PARL: variants seen among roughly 807,000 people sequenced by gnomAD.
PARL encodes presenilin-associated rhomboid-like protein, mitochondrial.
In PARL, 44 loss-of-function variants were observed where a neutral mutation model predicts 51.6. That is an observed-to-expected ratio of 0.85 (90% CI 0.67 to 1.10). PARL has a LOEUF of 1.10. Ranked by LOEUF, PARL falls within the 50% of genes least tolerant of loss-of-function variation. The pLI, the probability that PARL is intolerant of heterozygous loss-of-function variation, is 0.00. For synonymous variants in PARL, 172 were observed against 164.0 expected (o/e 1.05, Z -0.37); for missense variants, 441 against 469.5 (o/e 0.94, Z 0.56).
At chr3:183,864,573 G>A (rs369734000) in intron 3 of PARL, among the ~76,000 whole-genome samples, 1 of 151,996 alleles carries the variant, frequency 6.6e-6, no homozygotes, top group South Asian at 2.1e-4. Flanking sequence ...TCAGGAGATC[G>A]AGACCATCCT....
At chr3:183,869,530 A>AAG (rs1732929239) in intron 1 of PARL, among the ~76,000 whole-genome samples, 1 of 152,098 alleles carries the variant, frequency 6.6e-6, no homozygotes, top group Non-Finnish European at 1.5e-5. Context: ...TATAAGGGAT[A>AAG]ATAATGTATA....
At chr3:183,829,732 C>T (rs200033234) in intron 9 of PARL, 23 bp from the exon 10 acceptor site, 39 of 1,584,964 alleles carry the variant, frequency 2.5e-5, no homozygotes, top group Non-Finnish European at 3.1e-5. Flanking sequence ...AAACCAGGTC[C>T]GACATTCAAA....
At chr3:183,840,984 G>A (rs1475733290) in intron 6 of PARL, among the ~76,000 whole-genome samples, 5 of 152,132 alleles carry the variant, frequency 3.3e-5, no homozygotes, top group East Asian at 1.9e-4. Context: ...TCATTTCAGC[G>A]ACTTTACAGG....
chr3:183,878,632 T>C (rs1734110466), intron 1 of PARL, among the ~76,000 whole-genome samples: 1 of 152,214 alleles, frequency 6.6e-6, no homozygotes, highest in Non-Finnish European at 1.5e-5. Flanking sequence ...GATTCTCATG[T>C]GCCGCCAGAG....
At chr3:183,835,538 A>C (rs1728473700) in intron 7 of PARL, among the ~76,000 whole-genome samples, 1 of 152,122 alleles carries the variant, frequency 6.6e-6, no homozygotes, top group African/African-American at 2.4e-5. Context: ...ACCCAAGAAG[A>C]CCTGAATTTT....
chr3:183,842,483 AAC>A lies in PARL; in HGVS notation c.608-38_608-37del, dbSNP rs767319546. 6 of 1,596,416 alleles carry A rather than the reference AAC, an allele frequency of 3.8e-6. No homozygotes were observed. In the South Asian group the frequency reaches 6.6e-5, roughly 18 times the overall value. Reference sequence around the variant, plus strand: ...GAGAAACATAGTCTGGTAATCATGAAACACACAGCCAATAAAAATTATCCATT... The same window carrying A: ...GAGAAACATAGTCTGGTAATCATGAAACACAGCCAATAAAAATTATCCATT... On this transcript the variant is annotated intron_variant, in intron 5 of 9. Transcript: ENST00000317096.
intron 5 of PARL, 49 bp downstream of exon 5, chr3:183,844,182 C>G: frequency 8.0e-7 from 1 of 1,247,354 alleles, no homozygotes; most frequent in South Asian, 1.2e-5. Flanking sequence ...AAGCATATTT[C>G]TTTCATATTA....
intron 9 of PARL, among the ~76,000 whole-genome samples, chr3:183,829,963 A>C (rs1251231537): frequency 6.6e-6 from 1 of 151,758 alleles, no homozygotes; most frequent in African/African-American, 2.4e-5. Flanking sequence ...ATTCACCACT[A>C]TCTGCAAGTT....
intron 7 of PARL, among the ~76,000 whole-genome samples, 175 bp from the exon 8 acceptor site, chr3:183,834,000 A>C (rs1257377225): frequency 6.6e-6 from 1 of 152,230 alleles, no homozygotes; most frequent in Non-Finnish European, 1.5e-5. Context: ...GAAGGAACTA[A>C]ATGTCCTTCA....
At chr3:183,844,393 C>T in intron 4 of PARL, 67 bp from the exon 5 acceptor site, 3 of 979,132 alleles carry the variant, frequency 3.1e-6, no homozygotes, top group South Asian at 1.3e-5. Flanking sequence ...ATCTACATTA[C>T]CCCCTTGTAA....
downstream of PARL, among the ~76,000 whole-genome samples, chr3:183,827,762 C>T (rs1175407689): frequency 6.6e-6 from 1 of 152,086 alleles, no homozygotes; most frequent in Non-Finnish European, 1.5e-5. Flanking sequence ...GGGGGTGGTC[C>T]CAGAGCCTGG....
chr3:183,865,092 A>C (rs1476404297), intron 3 of PARL, among the ~76,000 whole-genome samples: 1 of 151,646 alleles, frequency 6.6e-6, no homozygotes, highest in Non-Finnish European at 1.5e-5. Flanking sequence ...AGATCACTTG[A>C]GGTCAGGAGT....
At chr3:183,880,730 T>C (rs535753756) in intron 1 of PARL, among the ~76,000 whole-genome samples, 1 of 152,230 alleles carries the variant, frequency 6.6e-6, no homozygotes, top group Admixed American at 6.5e-5. Context: ...AATACAATCC[T>C]ATAACTTTTA....
intron 1 of PARL, among the ~76,000 whole-genome samples, chr3:183,876,125 C>T (rs1425954642): frequency 6.6e-6 from 1 of 152,206 alleles, no homozygotes; most frequent in Non-Finnish European, 1.5e-5. Context: ...CAGCTCACTA[C>T]AACCTCCGCC....
intron 9 of PARL, among the ~76,000 whole-genome samples, chr3:183,831,744 G>GA (rs916844648): frequency 5.4e-5 from 8 of 148,160 alleles, no homozygotes; most frequent in South Asian, 2.1e-4. Flanking sequence ...GCACTTCAAC[G>GA]AAAAAAAAAT....
rs1018438781 is a variant in PARL at position 183,860,235 on chromosome 3, C to T, written c.511+2518G>A. 5.9e-5 allele frequency among the ~76,000 whole-genome samples: 9 copies of T among 152,088 alleles called. No homozygotes were observed. In the East Asian group the frequency reaches 1.5e-3, roughly 26 times the overall value. On this transcript the variant is annotated intron_variant, in intron 4 of 9. Transcript: ENST00000317096. Reference sequence around the variant, plus strand: ...GCAAGGAAAGCTGGACTAATTGGCACCCCAGGAAGAAGACAAGACATACTA... The same window carrying T: ...GCAAGGAAAGCTGGACTAATTGGCATCCCAGGAAGAAGACAAGACATACTA...
chr3:183,865,901 A>G (rs1157076806), intron 3 of PARL, among the ~76,000 whole-genome samples: 1 of 147,770 alleles, frequency 6.8e-6, no homozygotes, highest in Admixed American at 6.8e-5. Flanking sequence ...TTTTTTTGAG[A>G]TGAGTTCTCG....
chr3:183,833,142 G>C (rs1728147556), intron 9 of PARL, among the ~76,000 whole-genome samples: 1 of 152,194 alleles, frequency 6.6e-6, no homozygotes, highest in Non-Finnish European at 1.5e-5. Flanking sequence ...GCCAGGCAGG[G>C]GAGAGGAGGG....
At chr3:183,874,795 G>T (rs970922871) in intron 1 of PARL, among the ~76,000 whole-genome samples, 6 of 152,232 alleles carry the variant, frequency 3.9e-5, no homozygotes, top group Non-Finnish European at 8.8e-5. Flanking sequence ...ATTCTTGCCA[G>T]ACATGGTGGC....
Sources: allele counts gnomAD v4.1 joint callset (sites outside exome capture counted in the v4.1 genomes callset), GRCh38; gene constraint gnomAD v4.1.1; transcripts MANE v1.5; gene names NCBI Gene and HGNC (gene_info 2026-07-23, HGNC 2026-07-21).